Variants in CNIH3 observed in about 807,000 individuals in gnomAD.
CNIH3 encodes the protein protein cornichon homolog 3.
CNIH3 carries 14 observed loss-of-function variants against 24.1 expected under a neutral mutation model. The observed-to-expected ratio is 0.58, with a 90% confidence interval of 0.38 to 0.91. CNIH3 has a LOEUF of 0.91. Ranked by LOEUF, CNIH3 falls within the 40% of genes least tolerant of loss-of-function variation. The pLI is 0.00. For synonymous variants in CNIH3, 68 were observed against 73.8 expected, an observed-to-expected ratio of 0.92 and a Z score of 0.40; for missense variants, 178 against 196.8, an observed-to-expected ratio of 0.90 and a Z score of 0.57.
chr1:224,641,182 C>T (rs973007133), intron 1 of CNIH3, among the ~76,000 whole-genome samples: 7 of 152,160 alleles, frequency 4.6e-5, no homozygotes, highest in African/African-American at 1.7e-4. Context: ...TACATCGGCA[C>T]TACCCTGCTG....
At chr1:224,541,855 T>G (rs917077360), downstream of CNIH3, among the ~76,000 whole-genome samples, 10 of 152,236 alleles carry the variant, frequency 6.6e-5, no homozygotes, top group Admixed American at 2.6e-4. Context: ...TTATCTTATT[T>G]TTAAAAAATC....
At chr1:224,571,106 A>G (rs1680799309) in intron 4 of CNIH3, among the ~76,000 whole-genome samples, 1 of 152,192 alleles carries the variant, frequency 6.6e-6, no homozygotes, top group South Asian at 2.1e-4. Context: ...TTGATACTTG[A>G]TAGGGCAAGG....
chr1:224,656,796 G>A (rs1685120351), intron 1 of CNIH3, among the ~76,000 whole-genome samples: 1 of 152,148 alleles, frequency 6.6e-6, no homozygotes, highest in Non-Finnish European at 1.5e-5. Flanking sequence ...GGAGCTTGTT[G>A]GAAGCAAGCT....
chr1:224,498,610 C>G lies in CNIH3; in HGVS notation n.204-17131C>G, dbSNP rs201118060. Among the ~76,000 whole-genome samples the G allele has an allele frequency of 5.3e-5, 8 of 152,168 alleles. No individual in the cohort carries two copies. In the East Asian group the frequency reaches 1.5e-3, roughly 29 times the overall value. On this transcript the variant is annotated intron_variant and non_coding_transcript_variant, in intron 1 of 5. Transcript: ENST00000471578. ...AACTAAAAAATTCTACATGAGTTTA[C>G]AAAAACAGGAAGCTGGCAGTGAAAG...
At chr1:224,462,974 C>T (rs1675988581) in intron 1 of CNIH3, among the ~76,000 whole-genome samples, 1 of 140,658 alleles carries the variant, frequency 7.1e-6, no homozygotes, top group African/African-American at 2.7e-5. Context: ...AATCTTGGCT[C>T]ACTGCAACCT....
At chr1:224,540,266 A>G (rs570604379), downstream of CNIH3, among the ~76,000 whole-genome samples, 1 of 152,330 alleles carries the variant, frequency 6.6e-6, no homozygotes, top group African/African-American at 2.4e-5. Context: ...TGGAAACTTG[A>G]AATGCAACCA....
intron 3 of CNIH3, among the ~76,000 whole-genome samples, chr1:224,705,680 C>A (rs1385253004): frequency 2.6e-5 from 4 of 152,138 alleles, no homozygotes; most frequent in Non-Finnish European, 5.9e-5. Context: ...GTAGCAGCAG[C>A]AGTGAGGGGT....
chr1:224,574,649 G>T (rs1297796041), intron 4 of CNIH3: 1 of 929,782 alleles, frequency 1.1e-6, no homozygotes, highest in Non-Finnish European at 1.8e-6. Flanking sequence ...AGTGTGAGGA[G>T]CTCTTCATCA....
chr1:224,599,294 C>G (rs957054920), intron 3 of CNIH3, among the ~76,000 whole-genome samples: 12 of 152,162 alleles, frequency 7.9e-5, no homozygotes, highest in African/African-American at 2.9e-4. Flanking sequence ...TGGCCTTCCT[C>G]AAATATGTGG....
chr1:224,568,238 C>T (rs527882815), intron 4 of CNIH3, among the ~76,000 whole-genome samples: 40 of 151,978 alleles, frequency 2.6e-4, no homozygotes, highest in African/African-American at 3.4e-4. Context: ...TGCAGTGAGC[C>T]GAGATCACGT....
chr1:224,733,585 A>G (rs1223717610), intron 4 of CNIH3, among the ~76,000 whole-genome samples: 1 of 152,220 alleles, frequency 6.6e-6, no homozygotes, highest in Non-Finnish European at 1.5e-5. Context: ...GCTACATTGC[A>G]GGATGTTCTT....
intron 3 of CNIH3, among the ~76,000 whole-genome samples, chr1:224,721,927 G>C (rs1041945714): frequency 6.6e-5 from 10 of 152,206 alleles, no homozygotes; most frequent in Non-Finnish European, 1.2e-4. Context: ...ACCAGCTGCA[G>C]GGCTGCAGGA....
chr1:224,656,479 G>A (rs574115927), intron 1 of CNIH3, among the ~76,000 whole-genome samples: 2 of 152,232 alleles, frequency 1.3e-5, no homozygotes, highest in South Asian at 2.1e-4. Flanking sequence ...AACAATGACC[G>A]GAAAAGTTCA....
intron 1 of CNIH3, among the ~76,000 whole-genome samples, chr1:224,445,111 GT>G (rs1675100703): frequency 6.6e-6 from 1 of 152,040 alleles, no homozygotes; most frequent in South Asian, 2.1e-4. Flanking sequence ...TCTTATTGTA[GT>G]TTTAATTTGC....
intron 1 of CNIH3, among the ~76,000 whole-genome samples, chr1:224,651,792 G>A (rs1473038288): frequency 6.6e-6 from 1 of 152,124 alleles, no homozygotes; most frequent in Non-Finnish European, 1.5e-5. Flanking sequence ...GACAGTACCT[G>A]GGCATATATT....
chr1:224,674,014 T>A (rs1255645366), intron 1 of CNIH3, among the ~76,000 whole-genome samples: 1 of 152,154 alleles, frequency 6.6e-6, no homozygotes, highest in Non-Finnish European at 1.5e-5. Context: ...AACTGTATGC[T>A]AGGGGGAGAT....
intron 1 of CNIH3, among the ~76,000 whole-genome samples, chr1:224,448,704 C>A (rs146295789): frequency 5.5e-4 from 84 of 152,314 alleles, no homozygotes; most frequent in African/African-American, 1.9e-3. Flanking sequence ...CAGCACTGCA[C>A]ATTTCATGTA....
chr1:224,622,519 G>T (rs777120182), intron 1 of CNIH3, among the ~76,000 whole-genome samples: 2 of 152,324 alleles, frequency 1.3e-5, no homozygotes, highest in Non-Finnish European at 1.5e-5. Context: ...CGTCATCATT[G>T]TATTTCCACT....
chr1:224,593,353 C>T (rs1393298224), downstream of CNIH3, among the ~76,000 whole-genome samples: 4 of 150,394 alleles, frequency 2.7e-5, no homozygotes, highest in East Asian at 7.7e-4. Context: ...AAAAACATGG[C>T]TTGCTGATTT....
Sources: allele counts gnomAD v4.1 joint callset (sites outside exome capture counted in the v4.1 genomes callset), GRCh38; gene constraint gnomAD v4.1.1; transcripts MANE v1.5; gene names NCBI Gene and HGNC (gene_info 2026-07-23, HGNC 2026-07-21).